The following ANKS1B variants were observed in gnomAD, a reference collection of about 807,000 sequenced individuals.
ANKS1B encodes the protein ankyrin repeat and sterile alpha motif domain containing 1B.
Under a neutral mutation model 148.3 loss-of-function variants are expected in ANKS1B, and 36 were observed. The observed-to-expected ratio is 0.24, with a 90% CI of 0.19 to 0.32. The LOEUF is 0.32. Ranked by LOEUF, ANKS1B falls within the 10% of genes least tolerant of loss-of-function variation. The pLI, the probability that ANKS1B is intolerant of heterozygous loss-of-function variation, is 1.00. For missense variants in ANKS1B, 1,157 were observed against 1,542.6 expected (o/e 0.75, Z 4.19); for synonymous variants, 542 against 560.8 (o/e 0.97, Z 0.47).
rs544569745 is a variant in ANKS1B, at chr12:99,106,216, TC to T, written c.2527-21194del. Among the ~76,000 whole-genome samples, 482 of 152,312 alleles carry T rather than the reference TC, an allele frequency of 3.2e-3. 6 individuals carry two copies. The highest frequency in any genetic ancestry group is 0.011 in the African/African-American group (452 of 41,570). On this transcript the variant is annotated intron_variant, in intron 15 of 26. Coordinates refer to ENST00000683438, the MANE Select transcript of ANKS1B (RefSeq NM_001352186.2). The stretch of plus-strand genomic sequence containing the variant: ...GCCTAATTTGCAAGATAAAGAAATT[TC>T]CCATTATTCTAGTATCTTCGCAACC...
chr12:99,092,635 G>T (rs2054454938), intron 15 of ANKS1B, among the ~76,000 whole-genome samples: 1 of 152,158 alleles, frequency 6.6e-6, no homozygotes, highest in Non-Finnish European at 1.5e-5. Flanking sequence ...AACAGGCAGG[G>T]AACATGGCGC....
intron 12 of ANKS1B, among the ~76,000 whole-genome samples, chr12:99,352,671 A>G (rs1311789248): frequency 6.6e-6 from 1 of 152,040 alleles, no homozygotes; most frequent in Non-Finnish European, 1.5e-5. Flanking sequence ...CATCAGGCAA[A>G]AGACCCATCT....
chr12:99,838,102 T>C (rs1367279102), intron 1 of ANKS1B, among the ~76,000 whole-genome samples: 1 of 152,170 alleles, frequency 6.6e-6, no homozygotes, highest in Non-Finnish European at 1.5e-5. Flanking sequence ...AAAGACATTA[T>C]TTCATTCTCT....
chr12:99,533,314 T>C (rs1320193612), intron 9 of ANKS1B, among the ~76,000 whole-genome samples: 1 of 152,160 alleles, frequency 6.6e-6, no homozygotes, highest in African/African-American at 2.4e-5. Context: ...TGGGATTGAG[T>C]TCTTCATTTC....
rs1374362038 is a variant in ANKS1B at position 99,718,311 on chromosome 12, G to A, written c.1128+54611C>T. Among the ~76,000 whole-genome samples the A allele has an allele frequency of 2.6e-5, 4 of 152,064 alleles. No homozygotes were observed. In the East Asian group the frequency reaches 7.7e-4, roughly 29 times the overall value. On this transcript the variant is annotated intron_variant, in intron 8 of 26. Coordinates refer to ENST00000683438, the MANE Select transcript of ANKS1B (RefSeq NM_001352186.2). ...CTTCCCTGACTATTCCTGGACTACAGCTGTATCTCATTGCCACCCTTCTTC... is the reference window on the plus strand; with the variant it reads ...CTTCCCTGACTATTCCTGGACTACAACTGTATCTCATTGCCACCCTTCTTC...
Position 99,642,593 on chromosome 12 carries a change from A to G in ANKS1B, c.1272+12474T>C, listed in dbSNP as rs562756731. On this transcript the variant is annotated intron_variant, in intron 9 of 26. Transcript: ENST00000683438. ...CACTTTGGGAGGCCGAGGCAGGTGAATCACCTGAGGTCAGGAGTTCAAGAC... is the reference window on the plus strand; with the variant it reads ...CACTTTGGGAGGCCGAGGCAGGTGAGTCACCTGAGGTCAGGAGTTCAAGAC... Among the ~76,000 whole-genome samples, 4 of 152,276 alleles carry G rather than the reference A, an allele frequency of 2.6e-5. No individual in the cohort carries two copies. In the South Asian group the frequency reaches 6.2e-4, roughly 24 times the overall value.
intron 1 of ANKS1B, among the ~76,000 whole-genome samples, chr12:99,931,805 T>C (rs2094623407): frequency 6.6e-6 from 1 of 152,154 alleles, no homozygotes; most frequent in Non-Finnish European, 1.5e-5. Flanking sequence ...CTAGTTATTT[T>C]AAAATATATA....
At chr12:99,158,247 A>C (rs2076285678) in intron 14 of ANKS1B, among the ~76,000 whole-genome samples, 1 of 152,178 alleles carries the variant, frequency 6.6e-6, no homozygotes. Flanking sequence ...TGGAGTCTTA[A>C]AATTCTTAAA....
intron 9 of ANKS1B, among the ~76,000 whole-genome samples, chr12:99,518,374 A>G (rs1312041046): frequency 1.3e-5 from 2 of 152,036 alleles, no homozygotes; most frequent in African/African-American, 4.8e-5. Flanking sequence ...TTTTTATTAC[A>G]CCTTCAATCT....
chr12:99,318,444 T>C (rs2084577872), intron 12 of ANKS1B, among the ~76,000 whole-genome samples: 1 of 152,232 alleles, frequency 6.6e-6, no homozygotes, highest in Admixed American at 6.5e-5. Flanking sequence ...TTTTCTAGTT[T>C]ATTTGTGTAG....
At chr12:99,662,989 T>C (rs1332226909) in intron 8 of ANKS1B, among the ~76,000 whole-genome samples, 1 of 152,186 alleles carries the variant, frequency 6.6e-6, no homozygotes, top group Non-Finnish European at 1.5e-5. Flanking sequence ...CAAATTTGCA[T>C]AGCCAATCTC....
chr12:99,114,686 A>G (rs573681801), intron 15 of ANKS1B, among the ~76,000 whole-genome samples: 14 of 152,126 alleles, frequency 9.2e-5, no homozygotes, highest in African/African-American at 3.4e-4. Flanking sequence ...TGGGAGATGG[A>G]GGTTGCAGTG....
intron 8 of ANKS1B, among the ~76,000 whole-genome samples, chr12:99,691,257 G>T (rs1031829821): frequency 1.4e-4 from 21 of 152,196 alleles, no homozygotes; most frequent in African/African-American, 5.1e-4. Context: ...GGCCTTCTAT[G>T]AACGTCTCTG....
intron 9 of ANKS1B, among the ~76,000 whole-genome samples, chr12:99,524,406 T>C (rs2096906275): frequency 6.6e-6 from 1 of 152,090 alleles, no homozygotes; most frequent in South Asian, 2.1e-4. Context: ...AAAGGAACTT[T>C]GCAGATGTAA....
At chr12:99,018,429 A>C (rs1167456945) in intron 17 of ANKS1B, among the ~76,000 whole-genome samples, 1 of 152,240 alleles carries the variant, frequency 6.6e-6, no homozygotes, top group Non-Finnish European at 1.5e-5. Context: ...AGAATAGTCC[A>C]TAACATTTTG....
intron 17 of ANKS1B, among the ~76,000 whole-genome samples, chr12:99,044,139 T>C (rs549422373): frequency 7.9e-4 from 120 of 152,340 alleles, no homozygotes; most frequent in African/African-American, 2.5e-3. Context: ...TCTACTAGAA[T>C]ATTTCCCCTC....
At chr12:99,598,184 G>A (rs2097772985) in intron 9 of ANKS1B, among the ~76,000 whole-genome samples, 1 of 151,968 alleles carries the variant, frequency 6.6e-6, no homozygotes, top group Non-Finnish European at 1.5e-5. Context: ...TTTGAAGGAT[G>A]AATGAACACA....
intron 17 of ANKS1B, among the ~76,000 whole-genome samples, chr12:99,011,507 T>C (rs1399095042): frequency 6.6e-6 from 1 of 152,158 alleles, no homozygotes; most frequent in African/African-American, 2.4e-5. Flanking sequence ...TCCCATAACA[T>C]AGGAAAGCTG....
intron 17 of ANKS1B, among the ~76,000 whole-genome samples, chr12:98,938,644 C>G (rs1182896136): frequency 6.6e-6 from 1 of 152,152 alleles, no homozygotes; most frequent in Non-Finnish European, 1.5e-5. Context: ...TGGGGGAAGA[C>G]ACACACACAC....
Sources: gnomAD v4.1 joint callset for allele counts (sites outside exome capture counted in the v4.1 genomes callset) on GRCh38, gnomAD v4.1.1 for gene constraint, MANE v1.5 for transcripts, NCBI Gene and HGNC (gene_info 2026-07-23, HGNC 2026-07-21) for gene names.